The following LRRTM4 variants were observed in gnomAD, a reference collection of about 807,000 sequenced individuals.
The protein encoded by LRRTM4 is leucine rich repeat transmembrane neuronal 4.
A neutral mutation model predicts 47.6 loss-of-function variants in LRRTM4; 25 were observed. That is an observed-to-expected ratio of 0.53 (90% CI 0.38 to 0.73). The LOEUF (loss-of-function observed/expected upper bound fraction) is 0.73, where lower values mean the gene tolerates loss of function less well. LRRTM4 is among the 30% of genes least tolerant of loss of function. The pLI, the probability that LRRTM4 is intolerant of heterozygous loss-of-function variation, is 0.00. For synonymous variants in LRRTM4, 311 were observed against 269.5 expected (o/e 1.15, Z -1.51); for missense variants, 638 against 713.4 (o/e 0.89, Z 1.20).
chr2:76,988,371 C>T (rs13388459), intron 3 of LRRTM4, among the ~76,000 whole-genome samples: 30,726 of 151,662 alleles, frequency 0.2, 3,402 homozygotes, highest in African/African-American at 0.29. Context: ...AAACCTAAAT[C>T]GGGGCATTGA....
At chr2:77,056,621 A>T (rs562392015) in intron 3 of LRRTM4, among the ~76,000 whole-genome samples, 1 of 152,222 alleles carries the variant, frequency 6.6e-6, no homozygotes, top group Non-Finnish European at 1.5e-5. Flanking sequence ...GTACAGTAAA[A>T]GATGTGAAAC....
At chr2:76,751,624 T>C (rs1672851241) in intron 3 of LRRTM4, among the ~76,000 whole-genome samples, 1 of 152,124 alleles carries the variant, frequency 6.6e-6, no homozygotes. Flanking sequence ...GTTTTTATTA[T>C]ATCTTATTCA....
intron 3 of LRRTM4, among the ~76,000 whole-genome samples, chr2:77,126,137 A>G (rs754794509): frequency 6.6e-6 from 1 of 151,700 alleles, no homozygotes; most frequent in Non-Finnish European, 1.5e-5. Flanking sequence ...TTATTTGTTT[A>G]CCCCCACTCA....
intron 3 of LRRTM4, among the ~76,000 whole-genome samples, chr2:77,463,530 T>A (rs1394896096): frequency 6.6e-6 from 1 of 152,028 alleles, no homozygotes; most frequent in South Asian, 2.1e-4. Context: ...ATATTTAGAG[T>A]TTCTAAGTGC....
chr2:77,202,450 C>T (rs10865428), intron 3 of LRRTM4, among the ~76,000 whole-genome samples: 29,812 of 151,892 alleles, frequency 0.2, 5,628 homozygotes, highest in African/African-American at 0.49. Context: ...TAATACTACA[C>T]GCTTTAACGT....
chr2:77,064,972 T>A (rs972453485), intron 3 of LRRTM4, among the ~76,000 whole-genome samples: 2 of 152,172 alleles, frequency 1.3e-5, no homozygotes, highest in African/African-American at 4.8e-5. Flanking sequence ...TATATGACTC[T>A]GATAAGACTT....
intron 3 of LRRTM4, among the ~76,000 whole-genome samples, chr2:76,941,010 T>G (rs1398789724): frequency 6.6e-6 from 1 of 152,184 alleles, no homozygotes; most frequent in East Asian, 1.9e-4. Context: ...GCAGCTCAAG[T>G]GTTTGGTGAT....
At chr2:76,922,581 C>T (rs1573317880) in intron 3 of LRRTM4, among the ~76,000 whole-genome samples, 1 of 151,990 alleles carries the variant, frequency 6.6e-6, no homozygotes, top group East Asian at 1.9e-4. Context: ...AATTTGAATT[C>T]ATAGAAGCAG....
rs191162027 is a variant in LRRTM4, at chr2:76,943,150, C to G, written c.1552-194234G>C. On this transcript the variant is annotated intron_variant, in intron 3 of 3. Coordinates refer to ENST00000409884, the MANE Select transcript of LRRTM4 (RefSeq NM_001134745.3). ...GAAAGCTGTTAGAAAATACCAATCC[C>G]TGGAGCCTGAAATCTCCAAATCCTC... Among the ~76,000 whole-genome samples the G allele has an allele frequency of 3.9e-5, 6 of 152,294 alleles. No homozygotes were observed. The South Asian group carries it at 1.2e-3, about 32-fold the overall frequency.
chr2:76,770,357 T>A (rs1418314447), intron 3 of LRRTM4, among the ~76,000 whole-genome samples: 3 of 152,170 alleles, frequency 2.0e-5, no homozygotes, highest in African/African-American at 7.2e-5. Context: ...CCCATCTCCA[T>A]CATCTGTATT....
At chr2:76,834,087 C>A (rs1467773506) in intron 3 of LRRTM4, among the ~76,000 whole-genome samples, 1 of 151,564 alleles carries the variant, frequency 6.6e-6, no homozygotes. Context: ...GTGGCCCTGG[C>A]TGGAGTGCAG....
chr2:77,144,186 T>C (rs968163909), intron 3 of LRRTM4, among the ~76,000 whole-genome samples: 2 of 152,114 alleles, frequency 1.3e-5, no homozygotes, highest in Non-Finnish European at 2.9e-5. Context: ...CAGGCCTTTA[T>C]GATCTTACAC....
chr2:76,758,151 A>G (rs1673126590), intron 3 of LRRTM4, among the ~76,000 whole-genome samples: 1 of 152,164 alleles, frequency 6.6e-6, no homozygotes, highest in South Asian at 2.1e-4. Context: ...TTGCCTGAGA[A>G]GGATGCAACT....
chr2:77,215,088 C>T (rs1190162158), intron 3 of LRRTM4, among the ~76,000 whole-genome samples: 1 of 152,058 alleles, frequency 6.6e-6, no homozygotes, highest in Non-Finnish European at 1.5e-5. Context: ...TTTTTGATGG[C>T]TGTTACTTTG....
intron 3 of LRRTM4, among the ~76,000 whole-genome samples, chr2:76,907,349 A>T (rs1673881095): frequency 6.6e-6 from 1 of 151,534 alleles, no homozygotes; most frequent in South Asian, 2.1e-4. Flanking sequence ...AGTAGTGTGT[A>T]AAGGGAAATT....
intron 3 of LRRTM4, among the ~76,000 whole-genome samples, chr2:76,922,106 C>A (rs1450118680): frequency 6.6e-6 from 1 of 151,994 alleles, no homozygotes; most frequent in African/African-American, 2.4e-5. Context: ...CGTAGGTGAA[C>A]CTAGAAGATA....
At chr2:76,828,804 G>A (rs139891297) in intron 3 of LRRTM4, among the ~76,000 whole-genome samples, 24 of 151,964 alleles carry the variant, frequency 1.6e-4, no homozygotes, top group African/African-American at 5.8e-4. Flanking sequence ...AGCCTAGCAC[G>A]AAACTCATTA....
Position 76,833,623 on chromosome 2 carries a change from G to A in LRRTM4, c.1552-84707C>T, listed in dbSNP as rs575045228. 3.3e-5 allele frequency among the ~76,000 whole-genome samples: 5 copies of A among 151,812 alleles called. No homozygotes were observed. In the East Asian group the frequency reaches 9.7e-4, roughly 29 times the overall value. ...ATAATATAATAATATTGTAAGATAT[G>A]ACATTAATAAATACATATTTGTAAA... On this transcript the variant is annotated intron_variant, in intron 3 of 3. Transcript: ENST00000409884.
chr2:76,792,751 C>T (rs544520930), intron 3 of LRRTM4, among the ~76,000 whole-genome samples: 10 of 152,120 alleles, frequency 6.6e-5, no homozygotes, highest in Admixed American at 2.0e-4. Flanking sequence ...AAATGCCAGG[C>T]GCTAAGGACT....
Sources: gnomAD v4.1 joint callset for allele counts (sites outside exome capture counted in the v4.1 genomes callset) on GRCh38, gnomAD v4.1.1 for gene constraint, MANE v1.5 for transcripts, NCBI Gene and HGNC (gene_info 2026-07-23, HGNC 2026-07-21) for gene names.